The following LMNA variants were observed in gnomAD, a reference collection of about 807,000 sequenced individuals.
LMNA encodes the protein lamin.
LMNA carries 20 observed loss-of-function variants against 70.4 expected under a neutral mutation model. The ratio of observed to expected loss-of-function variants is 0.28; its 90% CI spans 0.20 to 0.41. LMNA has a LOEUF of 0.41. LMNA is among the 10% of genes least tolerant of loss of function. The probability of loss-of-function intolerance (pLI) is 1.00; values close to 1 mark genes in which losing one functional copy is unlikely to be tolerated. For synonymous variants in LMNA, 339 were observed against 372.8 expected (o/e 0.91, Z 1.04); for missense variants, 652 against 917.2 (o/e 0.71, Z 3.73).
intron 2 of LMNA, among the ~76,000 whole-genome samples, chr1:156,086,046 G>A (rs999136167): frequency 9.2e-5 from 14 of 152,172 alleles, no homozygotes; most frequent in African/African-American, 2.7e-4. Flanking sequence ...GGGAGACTCC[G>A]TCTCAAAAAA....
At chr1:156,088,282 C>T (rs1484054585) in intron 2 of LMNA, among the ~76,000 whole-genome samples, 1 of 152,172 alleles carries the variant, frequency 6.6e-6, no homozygotes, top group Admixed American at 6.6e-5. Context: ...AGAATGCACT[C>T]AACACATTAA....
At chr1:156,108,964 C>T (rs72708262) in intron 3 of LMNA, among the ~76,000 whole-genome samples, 9,419 of 152,224 alleles carry the variant, frequency 0.062, 399 homozygotes, top group Non-Finnish European at 0.097. Flanking sequence ...GTACAAAGAA[C>T]CTTCTCTGAC....
chr1:156,111,188 T>G (rs762758213), upstream of LMNA, among the ~76,000 whole-genome samples: 1 of 151,840 alleles, frequency 6.6e-6, no homozygotes, highest in Non-Finnish European at 1.5e-5. Context: ...CAGTGGCTCA[T>G]GCCTGTAATC....
Position 156,103,523 on chromosome 1 carries a change from G to T in LMNA, c.-206-11190G>T, listed in dbSNP as rs1484085860. On this transcript the variant is annotated intron_variant, in intron 3 of 12. Coordinates refer to the LMNA transcript ENST00000368301. This position sits in a 1 kb window ranked among gnomAD's most constrained non-coding sequence, Gnocchi z 4.7. Reference sequence around the variant, plus strand: ...ATGGGTGGGAACCTTAAGGATGGTGGGCAGATGGTGGCCCCCTTGAGGAGG... The same window carrying T: ...ATGGGTGGGAACCTTAAGGATGGTGTGCAGATGGTGGCCCCCTTGAGGAGG... Among the ~76,000 whole-genome samples the T allele has an allele frequency of 6.6e-6, 1 of 152,102 alleles. No individual in the cohort carries two copies. Among genetic ancestry groups the T allele is most frequent in the Non-Finnish European group, 1.5e-5 (1 of 68,006 alleles).
At chr1:156,127,516 T>C (rs905153518) in intron 1 of LMNA, among the ~76,000 whole-genome samples, 1 of 109,210 alleles carries the variant, frequency 9.2e-6, no homozygotes, top group Non-Finnish European at 1.8e-5. Context: ...ACTGTTTTTT[T>C]TTTTTTTTTT....
rs1649684583 is a variant in LMNA at position 156,114,823 on chromosome 1, C to G, written c.-96C>G. On this transcript the variant is annotated 5_prime_UTR_variant, in exon 1 of 12. Coordinates refer to ENST00000368300, the MANE Select transcript of LMNA (RefSeq NM_170707.4). ...AGCAAGCCGAGAGCCAGCCGGCCGG[C>G]GCACTCCGACTCCGAGCAGTCTCTG... 2.4e-6 allele frequency: 2 copies of G among 843,588 alleles called. No homozygotes were observed. The highest frequency in any genetic ancestry group is 1.8e-6 in the Non-Finnish European group (1 of 566,182). The allele number at this position is 843,588 out of a possible 1,614,324, so 52.3% of individuals were successfully genotyped here.
chr1:156,126,140 A>G, intron 1 of LMNA: 1 of 1,504,346 alleles, frequency 6.6e-7, no homozygotes, highest in South Asian at 1.2e-5. Context: ...CCTGGGAGAC[A>G]GGAAATGCCC....
chr1:156,096,061 G>A (rs1289136474), intron 3 of LMNA, among the ~76,000 whole-genome samples: 1 of 152,192 alleles, frequency 6.6e-6, no homozygotes, highest in African/African-American at 2.4e-5. Context: ...CAGCTTTTAT[G>A]TTGCTTTGCT....
chr1:156,126,771 C>A (rs762488606), intron 1 of LMNA: 1 of 1,589,172 alleles, frequency 6.3e-7, no homozygotes, highest in Non-Finnish European at 8.6e-7. Context: ...AAACAGGATG[C>A]CCAGCCCTTC....
chr1:156,136,784 G>T lies in LMNA; in HGVS notation c.1381-137G>T, dbSNP rs1348907309. ...ATCATGGCTATTATCCCCGGGGGAA[G>T]GGCAGTGACAGGGGTGTGTGTAGAT... On this transcript the variant is annotated intron_variant, in intron 7 of 11. Transcript: ENST00000368300. This position sits in a 1 kb window ranked among gnomAD's most constrained non-coding sequence, Gnocchi z 6.1. The T allele has an allele frequency of 2.6e-6, 2 of 757,806 alleles. No individual in the cohort carries two copies. The highest frequency in any genetic ancestry group is 4.6e-6 in the Non-Finnish European group (2 of 433,390). 46.9% of individuals were successfully genotyped at this position (757,806 alleles called of 1,614,324 possible). A position where few individuals can be genotyped will look rare whatever the true frequency, so the allele number is the denominator to read the frequency against.
At chr1:156,101,100 G>A (rs983407901) in intron 3 of LMNA, among the ~76,000 whole-genome samples, 1 of 152,166 alleles carries the variant, frequency 6.6e-6, no homozygotes, top group African/African-American at 2.4e-5. Context: ...GGCATTACAA[G>A]TCAGGTCAAG....
chr1:156,134,536 CTG>C lies in LMNA; in HGVS notation c.639+11_639+12del. 1 of 1,613,786 alleles carries C rather than the reference CTG, an allele frequency of 6.2e-7. No homozygotes were observed. Among genetic ancestry groups the C allele is most frequent in the Non-Finnish European group, 8.5e-7 (1 of 1,180,024 alleles). ...AAGAACATCTACAGTGAGGTGGGGACTGTGCTTTGCAAGCCAGAGGGCTGGGG... is the reference window on the plus strand; with the variant it reads ...AAGAACATCTACAGTGAGGTGGGGACTGCTTTGCAAGCCAGAGGGCTGGGG... On this transcript the variant is annotated intron_variant, in intron 3 of 11. Transcript: ENST00000368300. This position sits in a 1 kb window ranked among gnomAD's most constrained non-coding sequence, Gnocchi z 5.3.
At chr1:156,130,827 A>C in intron 2 of LMNA, 54 bp downstream of exon 2, 1 of 1,519,432 alleles carries the variant, frequency 6.6e-7, no homozygotes, top group Non-Finnish European at 8.9e-7. Flanking sequence ...ATGTACACTC[A>C]CTCTTCTACC....
Position 156,138,803 on chromosome 1 carries a change from G to A in LMNA, c.1968+46G>A, listed in dbSNP as rs1333266984. ...CTCCAAATCCTGCAGGCGGGTCCCT[G>A]GTCATCGAGGGGTAGGACGAGGTGG... is the stretch of plus-strand genomic sequence containing the variant. On this transcript the variant is annotated intron_variant, in intron 11 of 11. Coordinates refer to ENST00000368300, the MANE Select transcript of LMNA (RefSeq NM_170707.4). This position sits in a 1 kb window ranked among gnomAD's most constrained non-coding sequence, Gnocchi z 5.5. 1 of 1,611,614 alleles carries A rather than the reference G, an allele frequency of 6.2e-7. No individual in the cohort carries two copies. The highest frequency in any genetic ancestry group is 2.2e-5 in the East Asian group (1 of 44,864).
intron 1 of LMNA, among the ~76,000 whole-genome samples, chr1:156,116,237 C>T (rs1649818816): frequency 6.6e-6 from 1 of 152,132 alleles, no homozygotes; most frequent in Non-Finnish European, 1.5e-5. Context: ...TAGCTGCTGA[C>T]GTTTTGATCT....
upstream of LMNA, among the ~76,000 whole-genome samples, chr1:156,111,228 C>T (rs113487506): frequency 7.2e-3 from 1,098 of 151,906 alleles, 5 homozygotes; most frequent in Non-Finnish European, 0.013. Flanking sequence ...GGTGAGGGGG[C>T]ACTTGAGGTC....
chr1:156,136,461 G>A lies in LMNA; in HGVS notation c.1380+25G>A. The A allele has an allele frequency of 6.5e-7, 1 of 1,546,278 alleles. No individual in the cohort carries two copies. Among genetic ancestry groups the A allele is most frequent in the Non-Finnish European group, 8.7e-7 (1 of 1,142,990 alleles). ...GGTAGGCTCCTGCTCAGGGTCTAAGGGGATACAGCTGCATCAGGGAGAGAG... is the reference window on the plus strand; with the variant it reads ...GGTAGGCTCCTGCTCAGGGTCTAAGAGGATACAGCTGCATCAGGGAGAGAG... On this transcript the variant is annotated intron_variant, in intron 7 of 11. Coordinates refer to ENST00000368300, the MANE Select transcript of LMNA (RefSeq NM_170707.4). This position sits in a 1 kb window ranked among gnomAD's most constrained non-coding sequence, Gnocchi z 6.1.
intron 2 of LMNA, among the ~76,000 whole-genome samples, chr1:156,089,915 C>T (rs1399110266): frequency 1.3e-5 from 2 of 152,094 alleles, no homozygotes; most frequent in Non-Finnish European, 1.5e-5. Flanking sequence ...CCCAGGCGTC[C>T]AGGAGGCGGG....
At position 156,134,839 on chromosome 1, in the gene LMNA, G is replaced by A. The variant is rs199474724; in HGVS notation, c.674G>A (p.Arg225Gln). ...LRETKRRHET[R>Q]LVEIDNGKQR... ...GAGACCAAGCGCCGTCATGAGACCC[G>A]ACTGGTGGAGATTGACAATGGGAAG... Residue 225 changes from arginine to glutamine, a missense_variant, in exon 4 of 12, where the codon CGA (arginine) becomes CAA (glutamine). Around this residue, in one of 4 missense-constraint regions of LMNA, gnomAD observed 254 missense variants for 421.9 expected, o/e 0.60. Coordinates refer to ENST00000368300, the MANE Select transcript of LMNA (RefSeq NM_170707.4). This position sits in a 1 kb window ranked among gnomAD's most constrained non-coding sequence, Gnocchi z 5.3. 1.9e-6 allele frequency: 3 copies of A among 1,614,182 alleles called. No homozygotes were observed. The highest frequency in any genetic ancestry group is 2.5e-6 in the Non-Finnish European group (3 of 1,180,028).
Sources: gnomAD v4.1 joint callset for allele counts (sites outside exome capture counted in the v4.1 genomes callset) on GRCh38, gnomAD v4.1.1 for gene constraint, gnomAD v4.1.1 regional missense constraint, Gnocchi (gnomAD v3.1) non-coding constraint, MANE v1.5 for transcripts, NCBI Gene and HGNC (gene_info 2026-07-23, HGNC 2026-07-21) for gene names.